The following ALG5 variants were observed in gnomAD, a reference collection of about 807,000 sequenced individuals.
ALG5 encodes ALG5 dolichyl-phosphate beta-glucosyltransferase, also known as dolichyl-phosphate beta-glucosyltransferase.
Under a neutral mutation model 51.8 loss-of-function variants are expected in ALG5, and 26 were observed. The observed-to-expected ratio is 0.50, with a 90% CI of 0.37 to 0.70. ALG5 has a LOEUF of 0.70. Among genes scored for constraint, ALG5 ranks in the 30% least tolerant of loss-of-function variants. The pLI is 0.00. For missense variants in ALG5, 311 were observed against 399.3 expected, an observed-to-expected ratio of 0.78 and a Z score of 1.88; for synonymous variants, 141 against 136.1, an observed-to-expected ratio of 1.04 and a Z score of -0.25.
rs144753614 is a variant in ALG5 at position 36,984,139 on chromosome 13, C to A, written c.561+1488G>T. ...TTTGAGACAGGCTCTTGCTTTGTCA[C>A]TGAGGCTGGAGTGCGGTGGGGCAAT... On this transcript the variant is annotated intron_variant, in intron 6 of 9. Coordinates refer to ENST00000239891, the MANE Select transcript of ALG5 (RefSeq NM_013338.5). 1.5e-4 allele frequency among the ~76,000 whole-genome samples: 23 copies of A among 149,856 alleles called. 1 individual carries two copies. Among genetic ancestry groups the A allele is most frequent in the African/African-American group, 5.4e-4 (22 of 40,704 alleles).
chr13:36,966,239 C>T (rs892902381), intron 7 of ALG5, among the ~76,000 whole-genome samples: 1 of 152,084 alleles, frequency 6.6e-6, no homozygotes, highest in Non-Finnish European at 1.5e-5. Context: ...AAACAAACAC[C>T]TGGTCTTTCT....
At chr13:36,973,005 A>AAAG (rs2058933305) in intron 6 of ALG5, among the ~76,000 whole-genome samples, 1 of 151,576 alleles carries the variant, frequency 6.6e-6, no homozygotes, top group Non-Finnish European at 1.5e-5. Flanking sequence ...AAAAAAAAAA[A>AAAG]AAAATCAATG....
chr13:36,955,096 TCCTTC>T (rs2058833794), intron 8 of ALG5, among the ~76,000 whole-genome samples: 1 of 152,192 alleles, frequency 6.6e-6, no homozygotes, highest in Non-Finnish European at 1.5e-5. Flanking sequence ...TCTAAGATTT[TCCTTC>T]CCTTCATGCC....
At chr13:36,969,374 T>C (rs1303638892) in intron 7 of ALG5, among the ~76,000 whole-genome samples, 2 of 151,674 alleles carry the variant, frequency 1.3e-5, no homozygotes, top group African/African-American at 4.8e-5. Flanking sequence ...ACTATCTTTT[T>C]TCCTTCACCA....
chr13:36,971,190 C>A (rs964561627), intron 7 of ALG5, among the ~76,000 whole-genome samples: 2 of 152,002 alleles, frequency 1.3e-5, no homozygotes, highest in African/African-American at 2.4e-5. Flanking sequence ...TTTTTACACC[C>A]TAAAAGGGCA....
At chr13:36,965,541 A>G in intron 8 of ALG5, 34 bp downstream of exon 8, 1 of 1,599,830 alleles carries the variant, frequency 6.3e-7, no homozygotes, top group Non-Finnish European at 8.5e-7. Flanking sequence ...CTGGGTCATA[A>G]GACAGACTGG....
At chr13:36,983,702 G>T (rs1288186685) in intron 6 of ALG5, among the ~76,000 whole-genome samples, 1 of 151,900 alleles carries the variant, frequency 6.6e-6, no homozygotes, top group Non-Finnish European at 1.5e-5. Flanking sequence ...AAGAGCAATG[G>T]TATGAATATC....
rs117718001 is a variant in ALG5 at position 36,957,941 on chromosome 13, C to A, written c.774-5342G>T. On this transcript the variant is annotated intron_variant, in intron 8 of 9. Coordinates refer to ENST00000239891, the MANE Select transcript of ALG5 (RefSeq NM_013338.5). ...GGACTCTATCCAGTCCTTTTATCTACCCCAACCGCGTTTAAAGTGGCTGGT... is the reference window on the plus strand; with the variant it reads ...GGACTCTATCCAGTCCTTTTATCTAACCCAACCGCGTTTAAAGTGGCTGGT... Among the ~76,000 whole-genome samples the A allele has an allele frequency of 3.9e-5, 6 of 152,260 alleles. No homozygotes were observed. The East Asian group carries it at 1.2e-3, about 29-fold the overall frequency.
At chr13:36,970,642 G>A (rs1296232103) in intron 7 of ALG5, among the ~76,000 whole-genome samples, 3 of 151,960 alleles carry the variant, frequency 2.0e-5, no homozygotes, top group Non-Finnish European at 2.9e-5. Flanking sequence ...GCCGGGCGTG[G>A]TGGCTCATGC....
chr13:36,970,272 G>T (rs867760287), intron 7 of ALG5, among the ~76,000 whole-genome samples: 8 of 151,902 alleles, frequency 5.3e-5, no homozygotes, highest in Admixed American at 6.6e-5. Context: ...GAATCTCTAG[G>T]ATACATAGAA....
At chr13:36,976,947 G>C (rs186670337) in intron 6 of ALG5, among the ~76,000 whole-genome samples, 48 of 152,234 alleles carry the variant, frequency 3.2e-4, no homozygotes, top group Admixed American at 2.3e-3. Flanking sequence ...ACACTATTGA[G>C]TAATACATAA....
chr13:36,965,537 C>G (rs1442216316), intron 8 of ALG5, 38 bp downstream of exon 8: 1 of 1,591,038 alleles, frequency 6.3e-7, no homozygotes, highest in South Asian at 1.1e-5. Flanking sequence ...ATGGCTGGGT[C>G]ATAAGACAGA....
At chr13:36,957,667 C>G (rs965854152) in intron 8 of ALG5, among the ~76,000 whole-genome samples, 3 of 152,106 alleles carry the variant, frequency 2.0e-5, no homozygotes, top group African/African-American at 4.8e-5. Context: ...AAACTCTCCC[C>G]AAAAAGCGGG....
At chr13:36,969,551 G>A (rs184158095) in intron 7 of ALG5, among the ~76,000 whole-genome samples, 332 of 151,532 alleles carry the variant, frequency 2.2e-3, no homozygotes, top group African/African-American at 7.7e-3. Flanking sequence ...ATTTTTTTGA[G>A]GAGGAGGTGT....
chr13:36,977,128 G>T (rs950960841), intron 6 of ALG5, among the ~76,000 whole-genome samples: 1 of 152,208 alleles, frequency 6.6e-6, no homozygotes, highest in African/African-American at 2.4e-5. Context: ...GAATTCTGAT[G>T]TAAGAGCTGA....
intron 5 of ALG5, among the ~76,000 whole-genome samples, chr13:36,987,663 C>A (rs1481522785): frequency 6.6e-6 from 1 of 152,198 alleles, no homozygotes; most frequent in Non-Finnish European, 1.5e-5. Context: ...AATCACATCT[C>A]TTTTCTTTAT....
chr13:36,977,637 C>T (rs923776162), intron 6 of ALG5, among the ~76,000 whole-genome samples: 1 of 151,376 alleles, frequency 6.6e-6, no homozygotes, highest in Non-Finnish European at 1.5e-5. Context: ...ACTAAAAATA[C>T]AAAAATCAGC....
chr13:36,981,432 A>G (rs766010854), intron 6 of ALG5, among the ~76,000 whole-genome samples: 1 of 152,208 alleles, frequency 6.6e-6, no homozygotes, highest in Non-Finnish European at 1.5e-5. Context: ...TTCAGTCGCT[A>G]TTTTTATTAG....
At chr13:36,988,300 A>C (rs537698483) in intron 5 of ALG5, among the ~76,000 whole-genome samples, 269 of 152,370 alleles carry the variant, frequency 1.8e-3, no homozygotes, top group African/African-American at 6.2e-3. Context: ...ATGAAAATAC[A>C]ACATTGGCTG....
Sources: allele counts gnomAD v4.1 joint callset (sites outside exome capture counted in the v4.1 genomes callset), GRCh38; gene constraint gnomAD v4.1.1; transcripts MANE v1.5; gene names NCBI Gene and HGNC (gene_info 2026-07-23, HGNC 2026-07-21).